Variants in VASH1 observed in about 807,000 individuals in gnomAD.
VASH1 encodes the protein vasohibin 1.
VASH1 carries 16 observed loss-of-function variants against 35.0 expected under a neutral mutation model. That is an observed-to-expected ratio of 0.46 (90% CI 0.31 to 0.70). VASH1 has a LOEUF of 0.70. VASH1 is among the 30% of genes least tolerant of loss of function. VASH1 has a pLI of 0.05. For missense variants in VASH1, 505 were observed against 510.7 expected (o/e 0.99, Z 0.11); for synonymous variants, 214 against 200.9 (o/e 1.07, Z -0.55).
Position 76,772,131 on chromosome 14 carries a change from T to G in VASH1, c.455+885T>G, listed in dbSNP as rs554448854. On this transcript the variant is annotated intron_variant, in intron 3 of 6. Transcript: ENST00000167106. Reference sequence around the variant, plus strand: ...GGTGGGTGCCTGTAATCCCAGCTACTTGGGAGGCTGAGGCAGGAGAATCGT... The same window carrying G: ...GGTGGGTGCCTGTAATCCCAGCTACGTGGGAGGCTGAGGCAGGAGAATCGT... 2.6e-5 allele frequency among the ~76,000 whole-genome samples: 4 copies of G among 152,116 alleles called. No homozygotes were observed. In the East Asian group the frequency reaches 7.7e-4, roughly 29 times the overall value.
chr14:76,772,269 A>T (rs1157882439), intron 3 of VASH1, among the ~76,000 whole-genome samples: 1 of 152,184 alleles, frequency 6.6e-6, no homozygotes, highest in South Asian at 2.1e-4. Flanking sequence ...AAGAAAAAAA[A>T]TTTCATATGA....
At chr14:76,764,008 A>T (rs943655350) in intron 1 of VASH1, among the ~76,000 whole-genome samples, 7 of 81,410 alleles carry the variant, frequency 8.6e-5, no homozygotes, top group Admixed American at 2.9e-4. Flanking sequence ...GCCAGATATT[A>T]AAAAAAAAAA....
chr14:76,768,608 T>G (rs746877450), intron 1 of VASH1, among the ~76,000 whole-genome samples: 5 of 152,164 alleles, frequency 3.3e-5, no homozygotes, highest in African/African-American at 4.8e-5. Context: ...AACTGGAGTG[T>G]CACTTCCCTC....
At chr14:76,766,261 T>C (rs1893638280) in intron 1 of VASH1, among the ~76,000 whole-genome samples, 1 of 152,164 alleles carries the variant, frequency 6.6e-6, no homozygotes, top group South Asian at 2.1e-4. Context: ...CTTAGGCTCC[T>C]TGATAAGAGT....
chr14:76,776,303 T>TCC (rs1218474364), intron 5 of VASH1, 30 bp downstream of exon 5: 2 of 1,446,868 alleles, frequency 1.4e-6, no homozygotes, highest in South Asian at 2.6e-5. Context: ...CCTCGCCCCC[T>TCC]CCCTCGCCCC....
rs2140197622 is a variant in VASH1 at position 76,782,897 on chromosome 14, T to A, written c.*3879T>A. 1 of 152,896 alleles carries A rather than the reference T, an allele frequency of 6.5e-6. No individual in the cohort carries two copies. Among genetic ancestry groups the A allele is most frequent in the East Asian group, 1.9e-4 (1 of 5,176 alleles). 9.5% of individuals were successfully genotyped at this position (152,896 alleles called of 1,614,324 possible). A position where few individuals can be genotyped will look rare whatever the true frequency, so the allele number is the denominator to read the frequency against. On this transcript the variant is annotated 3_prime_UTR_variant, in exon 7 of 7. Transcript: ENST00000167106. ...GTACTAGACTTTGTTCAGGCTGTTC[T>A]CATCTCAGTATTGCCCCTTCCTTTC...
chr14:76,763,509 T>C (rs531073972), intron 1 of VASH1, among the ~76,000 whole-genome samples: 1 of 152,336 alleles, frequency 6.6e-6, no homozygotes, highest in East Asian at 1.9e-4. Flanking sequence ...CAGGGCTTCA[T>C]ATGTTGAGAA....
chr14:76,772,979 C>T lies in VASH1; in HGVS notation c.456-158C>T, dbSNP rs957863078. Reference sequence around the variant, plus strand: ...CCTCAGGCTCCAGACTTCCGTCCGTCGGGAGTGTGGAGGGAGGTGCTGGGC... The same window carrying T: ...CCTCAGGCTCCAGACTTCCGTCCGTTGGGAGTGTGGAGGGAGGTGCTGGGC... On this transcript the variant is annotated intron_variant, in intron 3 of 6. Transcript: ENST00000167106. Among the ~76,000 whole-genome samples, 5 of 152,328 alleles carry T rather than the reference C, an allele frequency of 3.3e-5. No individual in the cohort carries two copies. The South Asian group carries it at 1.0e-3, about 32-fold the overall frequency.
chr14:76,777,699 T>C (rs992382167), intron 5 of VASH1, among the ~76,000 whole-genome samples: 40 of 152,278 alleles, frequency 2.6e-4, no homozygotes, highest in African/African-American at 9.4e-4. Flanking sequence ...TGCAATATTA[T>C]GGTATCTCAG....
Position 76,761,675 on chromosome 14 carries a change from G to T in VASH1, c.-1147G>T, listed in dbSNP as rs1893508529. The stretch of plus-strand genomic sequence containing the variant: ...GCGCGCTCGCCCGGCTTCGTCACTC[G>T]CCTCCAGCTACATCCGCCGGCCGAG... On this transcript the variant is annotated 5_prime_UTR_variant, in exon 1 of 7. Coordinates refer to ENST00000167106, the MANE Select transcript of VASH1 (RefSeq NM_014909.5). Among the ~76,000 whole-genome samples, 1 of 151,876 alleles carries T rather than the reference G, an allele frequency of 6.6e-6. No individual in the cohort carries two copies.
chr14:76,764,972 G>A (rs1006688191), intron 1 of VASH1, among the ~76,000 whole-genome samples: 7 of 152,194 alleles, frequency 4.6e-5, no homozygotes, highest in African/African-American at 1.2e-4. Flanking sequence ...GATTACAGGC[G>A]TGAACCACCA....
rs1360445222 is a variant in VASH1 at position 76,779,481 on chromosome 14, C to T, written c.*463C>T. 2 of 701,998 alleles carry T rather than the reference C, an allele frequency of 2.8e-6. No homozygotes were observed. Among genetic ancestry groups the T allele is most frequent in the East Asian group, 2.7e-5 (1 of 37,274 alleles). 43.5% of individuals were successfully genotyped at this position (701,998 alleles called of 1,614,324 possible). ...GTGGGGGTGGGGTGGAGATGTTTCT[C>T]CAGTTCTGCCTGCCCTGGCAGAATC... is the stretch of plus-strand genomic sequence containing the variant. On this transcript the variant is annotated 3_prime_UTR_variant, in exon 7 of 7. Coordinates refer to ENST00000167106, the MANE Select transcript of VASH1 (RefSeq NM_014909.5).
At position 76,779,216 on chromosome 14, in the gene VASH1, G is replaced by A. The variant is rs893825099; in HGVS notation, c.*198G>A. The A allele has an allele frequency of 1.2e-4, 80 of 693,408 alleles. 2 individuals are homozygous for A. The East Asian group carries it at 2.0e-3, about 17-fold the overall frequency. 43.0% of individuals were successfully genotyped at this position (693,408 alleles called of 1,614,324 possible). A position where few individuals can be genotyped will look rare whatever the true frequency, so the allele number is the denominator to read the frequency against. On this transcript the variant is annotated 3_prime_UTR_variant, in exon 7 of 7. Transcript: ENST00000167106. ...CCCCCTAACTTTGGGCCTAGAGGCC[G>A]TTAGTATTTTATTTGGAGTTTTTAA...
chr14:76,772,230 ACT>A (rs1221095629), intron 3 of VASH1, among the ~76,000 whole-genome samples: 1 of 152,140 alleles, frequency 6.6e-6, no homozygotes, highest in Non-Finnish European at 1.5e-5. Context: ...ACAGGGCGAG[ACT>A]CTGTCTCAAA....
At chr14:76,763,222 AG>A in intron 1 of VASH1, 92 bp downstream of exon 1, 1 of 1,261,424 alleles carries the variant, frequency 7.9e-7, no homozygotes, top group Non-Finnish European at 1.0e-6. Context: ...CCCACGGGGC[AG>A]GGGACCACTG....
In VASH1 at chr14:76,779,421, G is replaced by C. The variant is rs1566688705; in HGVS notation, c.*403G>C. The C allele has an allele frequency of 6.8e-6, 4 of 584,274 alleles. No homozygotes were observed. Among genetic ancestry groups the C allele is most frequent in the Middle Eastern group, 5.3e-4 (2 of 3,780 alleles). 36.2% of individuals were successfully genotyped at this position (584,274 alleles called of 1,614,324 possible). A position where few individuals can be genotyped will look rare whatever the true frequency, so the allele number is the denominator to read the frequency against. On this transcript the variant is annotated 3_prime_UTR_variant, in exon 7 of 7. Coordinates refer to ENST00000167106, the MANE Select transcript of VASH1 (RefSeq NM_014909.5). Reference sequence around the variant, plus strand: ...GGAGTTGGGTGCATCTTATCAGTGGGAAATCTCCCAGCCTTACCAGGCCTG... The same window carrying C: ...GGAGTTGGGTGCATCTTATCAGTGGCAAATCTCCCAGCCTTACCAGGCCTG...
At chr14:76,764,672 T>C (rs566237074) in intron 1 of VASH1, among the ~76,000 whole-genome samples, 1 of 149,460 alleles carries the variant, frequency 6.7e-6, no homozygotes, top group African/African-American at 2.5e-5. Context: ...TACCTGGTTA[T>C]TGGATATCAG....
Position 76,762,895 on chromosome 14 carries a change from C to T in VASH1, c.74C>T (p.Pro25Leu), listed in dbSNP as rs771524350. Reference sequence around the variant, plus strand: ...CCAACGTCCGCTGCGGCCACCGCCCCCTCTGGGGTCAGGCGTTTGGAGACC... The same window carrying T: ...CCAACGTCCGCTGCGGCCACCGCCCTCTCTGGGGTCAGGCGTTTGGAGACC... ...ATPTSAAATA[P>L]SGVRRLETSE... Residue 25 changes from proline (P) to leucine (L), a missense_variant, in exon 1 of 7, where the codon CCC becomes CTC. Coordinates refer to ENST00000167106, the MANE Select transcript of VASH1 (RefSeq NM_014909.5). 12 of 1,569,746 alleles carry T rather than the reference C, an allele frequency of 7.6e-6. No homozygotes were observed. The highest frequency in any genetic ancestry group is 2.6e-6 in the Non-Finnish European group (3 of 1,158,894).
At chr14:76,764,947 C>T (rs1002439177) in intron 1 of VASH1, among the ~76,000 whole-genome samples, 1 of 152,178 alleles carries the variant, frequency 6.6e-6, no homozygotes, top group African/African-American at 2.4e-5. Flanking sequence ...CCACCTCAGC[C>T]TCCCAAAGTG....
Sources: gnomAD v4.1 joint callset for allele counts (sites outside exome capture counted in the v4.1 genomes callset) on GRCh38, gnomAD v4.1.1 for gene constraint, MANE v1.5 for transcripts, NCBI Gene and HGNC (gene_info 2026-07-23, HGNC 2026-07-21) for gene names.